Variants in KAT6B observed in about 807,000 individuals in gnomAD.
KAT6B encodes the protein lysine acetyltransferase 6B.
KAT6B carries 10 observed loss-of-function variants against 187.5 expected under a neutral mutation model. That is an observed-to-expected ratio of 0.05 (90% CI 0.03 to 0.09). KAT6B has a LOEUF of 0.09. KAT6B is among the 10% of genes least tolerant of loss of function. The pLI is 1.00. For synonymous variants in KAT6B, 861 were observed against 926.8 expected (o/e 0.93, Z 1.29); for missense variants, 1,952 against 2,558.9 (o/e 0.76, Z 5.12).
chr10:74,976,668 T>A (rs1457353134), intron 8 of KAT6B: 6 of 386,784 alleles, frequency 1.6e-5, no homozygotes, highest in Middle Eastern at 8.4e-4. Flanking sequence ...CTCTCCCCCA[T>A]GTCACCTCTG....
At chr10:74,828,760 G>C (rs1425351969) in intron 1 of KAT6B, among the ~76,000 whole-genome samples, 1 of 151,480 alleles carries the variant, frequency 6.6e-6, no homozygotes, top group Non-Finnish European at 1.5e-5. Context: ...GTAGAGACGG[G>C]GTTTCACCGT....
intron 3 of KAT6B, among the ~76,000 whole-genome samples, chr10:74,911,019 T>C (rs1481005920): frequency 3.3e-5 from 5 of 152,174 alleles, no homozygotes; most frequent in Admixed American, 2.0e-4. Flanking sequence ...GATTGAGTAT[T>C]TTGTGAAACA....
At chr10:74,959,510 T>A (rs545271102) in intron 3 of KAT6B, among the ~76,000 whole-genome samples, 1 of 152,326 alleles carries the variant, frequency 6.6e-6, no homozygotes, top group Admixed American at 6.5e-5. Context: ...CAGGTAGTAC[T>A]TTAGTGTCAA....
At chr10:74,833,330 C>T (rs1841023782) in intron 1 of KAT6B, among the ~76,000 whole-genome samples, 2 of 152,060 alleles carry the variant, frequency 1.3e-5, no homozygotes, top group South Asian at 4.1e-4. Flanking sequence ...AGTTATAATA[C>T]ATCATTACTA....
chr10:74,978,787 G>A (rs749549882), intron 9 of KAT6B, among the ~76,000 whole-genome samples: 1 of 152,162 alleles, frequency 6.6e-6, no homozygotes, highest in African/African-American at 2.4e-5. Context: ...ATACTACTTC[G>A]TGGAGGAATA....
At chr10:74,962,938 T>G (rs1452731512) in intron 4 of KAT6B, among the ~76,000 whole-genome samples, 1 of 152,128 alleles carries the variant, frequency 6.6e-6, no homozygotes, top group Non-Finnish European at 1.5e-5. Context: ...GAGCTCTGAA[T>G]GTGGTGTCCC....
chr10:74,854,832 A>T (rs1013913093), intron 3 of KAT6B, among the ~76,000 whole-genome samples: 1 of 152,226 alleles, frequency 6.6e-6, no homozygotes, highest in Non-Finnish European at 1.5e-5. Context: ...GCATAGGCGT[A>T]CACAGAAACC....
chr10:74,958,624 T>C (rs900432180), intron 3 of KAT6B, among the ~76,000 whole-genome samples: 3 of 152,176 alleles, frequency 2.0e-5, no homozygotes, highest in African/African-American at 7.2e-5. Context: ...TTGCTGATAG[T>C]AGTAAATAAC....
intron 3 of KAT6B, among the ~76,000 whole-genome samples, chr10:74,914,899 C>A (rs1276391682): frequency 6.6e-6 from 1 of 151,870 alleles, no homozygotes; most frequent in East Asian, 1.9e-4. Flanking sequence ...TGAGACCAGT[C>A]TGGGCAACAC....
Position 74,892,422 on chromosome 10 carries a change from T to C in KAT6B, c.621+48944T>C, listed in dbSNP as rs202158613. On this transcript the variant is annotated intron_variant, in intron 3 of 17. Coordinates refer to ENST00000287239, the MANE Select transcript of KAT6B (RefSeq NM_012330.4). ...ACTAGAGTTACTAAAATTATCAAGA[T>C]TTTCTTCCTGGATAGTCCTGGTTGC... 6.6e-5 allele frequency among the ~76,000 whole-genome samples: 10 copies of C among 152,226 alleles called. No individual in the cohort carries two copies. The East Asian group carries it at 1.9e-3, about 29-fold the overall frequency.
At position 75,030,454 on chromosome 10, in the gene KAT6B, C is replaced by G; in HGVS notation, c.5630C>G (p.Thr1877Ser). 6.2e-7 allele frequency: 1 copy of G among 1,613,876 alleles called. No individual in the cohort carries two copies. The change falls in exon 18 of 18, where the codon ACC (threonine) becomes AGC (serine). Residue 1877 changes from threonine (T) to serine (S), a missense_variant. Around this residue, in one of 9 missense-constraint regions of KAT6B, gnomAD observed 358 missense variants for 436.3 expected, o/e 0.82. Coordinates refer to ENST00000287239, the MANE Select transcript of KAT6B (RefSeq NM_012330.4). This position sits in a 1 kb window ranked among gnomAD's most constrained non-coding sequence, Gnocchi z 4.8. ...CCTGGGGGACCCCAAGCACAAGCTA[C>G]CATGACCCCACCCCCCAACCTGACT... ...SVPGGPQAQA[T>S]MTPPPNLTPP...
chr10:74,944,928 G>A (rs1017536668), intron 3 of KAT6B, among the ~76,000 whole-genome samples: 10 of 151,582 alleles, frequency 6.6e-5, no homozygotes, highest in Admixed American at 1.3e-4. Context: ...GCAACTGGAA[G>A]TGTAAAATGG....
chr10:75,018,593 G>T (rs920130607), intron 13 of KAT6B, among the ~76,000 whole-genome samples: 1 of 152,156 alleles, frequency 6.6e-6, no homozygotes, highest in African/African-American at 2.4e-5. Flanking sequence ...GGACTGTAGC[G>T]GGGAGACAGA....
At chr10:74,920,785 A>G (rs1589625019) in intron 3 of KAT6B, among the ~76,000 whole-genome samples, 1 of 152,136 alleles carries the variant, frequency 6.6e-6, no homozygotes, top group East Asian at 1.9e-4. Context: ...TTTATACCCC[A>G]ACAAAGAAAC....
At chr10:74,887,780 G>C (rs937143695) in intron 3 of KAT6B, among the ~76,000 whole-genome samples, 1 of 152,094 alleles carries the variant, frequency 6.6e-6, no homozygotes, top group East Asian at 1.9e-4. Flanking sequence ...GCTAAGCCAG[G>C]AGGATTGCTT....
At chr10:74,957,435 C>T (rs934187919) in intron 3 of KAT6B, among the ~76,000 whole-genome samples, 9 of 152,250 alleles carry the variant, frequency 5.9e-5, no homozygotes, top group East Asian at 1.9e-4. Context: ...GGACAGAGCG[C>T]GGGACATCAG....
intron 17 of KAT6B, 44 bp downstream of exon 17, chr10:75,025,293 T>C: frequency 1.9e-6 from 3 of 1,601,684 alleles, no homozygotes; most frequent in Non-Finnish European, 2.6e-6. Context: ...AGAATGTCTG[T>C]ATCTGACTGG....
chr10:74,988,928 G>A, intron 12 of KAT6B, 91 bp from the exon 13 acceptor site: 1 of 874,484 alleles, frequency 1.1e-6, no homozygotes, highest in South Asian at 1.3e-5. Flanking sequence ...GCTTTCTTTA[G>A]TGGACAGTTT....
chr10:74,848,665 C>G (rs549409197), intron 3 of KAT6B, among the ~76,000 whole-genome samples: 45 of 152,124 alleles, frequency 3.0e-4, no homozygotes, highest in African/African-American at 8.7e-4. Context: ...TTGGACACTC[C>G]TGGTCTACAT....
Sources: allele counts gnomAD v4.1 joint callset (sites outside exome capture counted in the v4.1 genomes callset), GRCh38; gene constraint gnomAD v4.1.1; regional missense constraint gnomAD v4.1.1; non-coding constraint Gnocchi (gnomAD v3.1); transcripts MANE v1.5; gene names NCBI Gene and HGNC (gene_info 2026-07-23, HGNC 2026-07-21).